SCHIP1: variants seen among roughly 807,000 people sequenced by gnomAD.
SCHIP1 encodes schwannomin interacting protein 1, also known as schwannomin-interacting protein 1.
Under a neutral mutation model 29.7 loss-of-function variants are expected in SCHIP1, and 8 were observed. The observed-to-expected ratio is 0.27, with a 90% CI of 0.16 to 0.49. The LOEUF (loss-of-function observed/expected upper bound fraction) is 0.49, where lower values mean the gene tolerates loss of function less well. Ranked by LOEUF, SCHIP1 falls within the 20% of genes least tolerant of loss-of-function variation. The pLI, the probability that SCHIP1 is intolerant of heterozygous loss-of-function variation, is 0.99. For synonymous variants in SCHIP1, 76 were observed against 94.9 expected, an observed-to-expected ratio of 0.80 and a Z score of 1.16; for missense variants, 193 against 294.6, an observed-to-expected ratio of 0.66 and a Z score of 2.52.
the SCHIP1 span, among the ~76,000 whole-genome samples, chr3:159,447,812 T>A: frequency 6.6e-6 from 1 of 152,212 alleles, no homozygotes; most frequent in Non-Finnish European, 1.5e-5. Flanking sequence ...TCCCAGTACC[T>A]TCTTCTCCTA....
chr3:159,681,784 C>T, the SCHIP1 span, among the ~76,000 whole-genome samples: 93 of 151,694 alleles, frequency 6.1e-4, no homozygotes, highest in East Asian at 0.017. Context: ...TTTAACTCAA[C>T]GTTAACTTAG....
the SCHIP1 span, among the ~76,000 whole-genome samples, chr3:159,552,899 C>A: frequency 6.6e-6 from 1 of 152,128 alleles, no homozygotes; most frequent in Non-Finnish European, 1.5e-5. Context: ...GACTTTCAGC[C>A]ATGCCTATAA....
the SCHIP1 span, among the ~76,000 whole-genome samples, chr3:159,601,543 C>T: frequency 6.6e-6 from 1 of 152,086 alleles, no homozygotes; most frequent in Non-Finnish European, 1.5e-5. Flanking sequence ...GAGGAGGGGT[C>T]ATATTCTCTA....
chr3:159,610,423 G>T, the SCHIP1 span, among the ~76,000 whole-genome samples: 1 of 152,100 alleles, frequency 6.6e-6, no homozygotes, highest in Admixed American at 6.6e-5. Flanking sequence ...TGACCTATTT[G>T]GTTTTTTTCC....
the SCHIP1 span, among the ~76,000 whole-genome samples, chr3:159,693,338 C>T: frequency 4.0e-4 from 61 of 152,190 alleles, no homozygotes; most frequent in African/African-American, 1.3e-3. Context: ...ATAAAATATA[C>T]GCACACATAT....
the SCHIP1 span, among the ~76,000 whole-genome samples, chr3:159,385,588 A>T: frequency 1.7e-5 from 1 of 59,790 alleles, no homozygotes; most frequent in Non-Finnish European, 3.8e-5. Flanking sequence ...AAAAAAAAAA[A>T]CCAAAAAAAA....
the SCHIP1 span, among the ~76,000 whole-genome samples, chr3:159,522,692 A>T: frequency 1.3e-5 from 2 of 152,258 alleles, no homozygotes; most frequent in African/African-American, 4.8e-5. Context: ...AACATGGTGA[A>T]ACTGTGTCTC....
the SCHIP1 span, among the ~76,000 whole-genome samples, chr3:159,583,153 C>T: frequency 2.6e-5 from 4 of 152,092 alleles, no homozygotes; most frequent in African/African-American, 9.7e-5. Context: ...TTTACACAAC[C>T]TATCACATTT....
the SCHIP1 span, among the ~76,000 whole-genome samples, chr3:159,458,590 T>C: frequency 1.3e-5 from 2 of 151,270 alleles, no homozygotes; most frequent in African/African-American, 4.9e-5. Flanking sequence ...AAGGAGTTAA[T>C]GGTTTGGGCT....
At chr3:159,397,538 A>C in the SCHIP1 span, among the ~76,000 whole-genome samples, 2 of 152,066 alleles carry the variant, frequency 1.3e-5, no homozygotes, top group South Asian at 4.1e-4. Context: ...TTCCTTCTAA[A>C]AGATAGGACC....
At chr3:159,455,166 T>TGCCC in the SCHIP1 span, among the ~76,000 whole-genome samples, 2 of 152,202 alleles carry the variant, frequency 1.3e-5, no homozygotes, top group Non-Finnish European at 2.9e-5. Flanking sequence ...GCTCTGTAAT[T>TGCCC]TCTTGGGGAG....
At chr3:159,700,824 AAAAG>A in the SCHIP1 span, among the ~76,000 whole-genome samples, 12 of 152,118 alleles carry the variant, frequency 7.9e-5, no homozygotes, top group Non-Finnish European at 1.6e-4. Flanking sequence ...AAAAAAAAAA[AAAAG>A]AGAGATGCAG....
At chr3:159,769,577 C>G in the SCHIP1 span, among the ~76,000 whole-genome samples, 1 of 152,064 alleles carries the variant, frequency 6.6e-6, no homozygotes, top group Non-Finnish European at 1.5e-5. Flanking sequence ...TGGTGAAACC[C>G]CATCTCTACT....
At chr3:159,779,179 T>C in the SCHIP1 span, among the ~76,000 whole-genome samples, 1 of 152,096 alleles carries the variant, frequency 6.6e-6, no homozygotes, top group African/African-American at 2.4e-5. Flanking sequence ...CCACTCAGGA[T>C]GTGAAAGGAC....
chr3:159,800,824 A>G, the SCHIP1 span, among the ~76,000 whole-genome samples: 4 of 152,022 alleles, frequency 2.6e-5, no homozygotes, highest in Admixed American at 6.6e-5. Context: ...ATGCTTCCCC[A>G]CAAATGGAGA....
At chr3:159,498,979 A>G in the SCHIP1 span, among the ~76,000 whole-genome samples, 1 of 152,298 alleles carries the variant, frequency 6.6e-6, no homozygotes, top group African/African-American at 2.4e-5. Flanking sequence ...CTCCTAGTAG[A>G]AAGTCTCATC....
the SCHIP1 span, among the ~76,000 whole-genome samples, chr3:159,821,216 A>G: frequency 2.6e-5 from 4 of 152,158 alleles, no homozygotes; most frequent in African/African-American, 9.7e-5. Context: ...TGAAGACAAA[A>G]GCCTGATTGG....
the SCHIP1 span, chr3:159,764,108 G>C: frequency 1.6e-5 from 4 of 253,336 alleles, no homozygotes; most frequent in East Asian, 2.8e-4. The surrounding 1 kb of genome is among the most constrained non-coding windows in gnomAD (Gnocchi z 6.1). Flanking sequence ...TCCTTGGGGC[G>C]GGGTAAAGGG....
At chr3:159,397,243 C>T in the SCHIP1 span, among the ~76,000 whole-genome samples, 1 of 151,824 alleles carries the variant, frequency 6.6e-6, no homozygotes, top group Non-Finnish European at 1.5e-5. Flanking sequence ...TCAAAGTTTT[C>T]AACTTCTTTG....
Sources: allele counts gnomAD v4.1 joint callset (sites outside exome capture counted in the v4.1 genomes callset), GRCh38; gene constraint gnomAD v4.1.1; non-coding constraint Gnocchi (gnomAD v3.1); transcripts MANE v1.5; gene names NCBI Gene and HGNC (gene_info 2026-07-23, HGNC 2026-07-21).